Variants in CCDC91 observed in about 807,000 individuals in gnomAD.
The protein encoded by CCDC91 is coiled-coil domain-containing protein 91.
Under a neutral mutation model 63.2 loss-of-function variants are expected in CCDC91, and 48 were observed. That is an observed-to-expected ratio of 0.76 (90% CI 0.60 to 0.97). CCDC91 has a LOEUF of 0.97. Ranked by LOEUF, CCDC91 falls within the 50% of genes least tolerant of loss-of-function variation. The probability of loss-of-function intolerance (pLI) is 0.00; values close to 1 mark genes in which losing one functional copy is unlikely to be tolerated. For missense variants in CCDC91, 500 were observed against 494.6 expected, an observed-to-expected ratio of 1.01 and a Z score of -0.10; for synonymous variants, 167 against 165.8, an observed-to-expected ratio of 1.01 and a Z score of -0.06.
intron 11 of CCDC91, among the ~76,000 whole-genome samples, chr12:28,454,943 T>A (rs1380533212): frequency 2.0e-5 from 3 of 152,092 alleles, no homozygotes; most frequent in Non-Finnish European, 4.4e-5. Context: ...CGTTGTAAAT[T>A]GAGTGTTTCC....
In CCDC91 at chr12:28,548,979, T is replaced by C. The variant is rs1593027765; in HGVS notation, c.1216-84T>C. On this transcript the variant is annotated intron_variant, in intron 12 of 12. Transcript: ENST00000536442. The stretch of plus-strand genomic sequence containing the variant: ...GTCTCATCTGGAAAGTTTTTTCTAG[T>C]GGGCTTCAGAGACATAATATTCTTT... 8.0e-6 allele frequency: 7 copies of C among 877,272 alleles called. No homozygotes were observed. The Admixed American group carries it at 1.1e-4, about 14-fold the overall frequency. The allele number at this position is 877,272 out of a possible 1,614,324, so 54.3% of individuals were successfully genotyped here.
chr12:28,367,631 C>T (rs1944358635), intron 7 of CCDC91, among the ~76,000 whole-genome samples: 1 of 152,144 alleles, frequency 6.6e-6, no homozygotes, highest in Admixed American at 6.6e-5. Context: ...CTGCATATTT[C>T]AGAAGCCAAA....
At chr12:28,362,752 C>T (rs73083994) in intron 7 of CCDC91, among the ~76,000 whole-genome samples, 2 of 152,156 alleles carry the variant, frequency 1.3e-5, no homozygotes, top group Non-Finnish European at 2.9e-5. Context: ...ATAGTATCAG[C>T]AGGTAAAGAA....
chr12:28,413,612 A>G (rs1947457636), intron 8 of CCDC91, among the ~76,000 whole-genome samples: 2 of 152,188 alleles, frequency 1.3e-5, no homozygotes, highest in Non-Finnish European at 2.9e-5. Context: ...GAGGCGTGAC[A>G]GTGATAACAA....
At chr12:28,465,581 A>C (rs1227169457) in intron 11 of CCDC91, among the ~76,000 whole-genome samples, 1 of 152,148 alleles carries the variant, frequency 6.6e-6, no homozygotes, top group Non-Finnish European at 1.5e-5. Context: ...TCAAGGCTGT[A>C]CCTCTATGAG....
chr12:28,468,434 A>G (rs1050507548), intron 11 of CCDC91, among the ~76,000 whole-genome samples: 1 of 152,008 alleles, frequency 6.6e-6, no homozygotes, highest in African/African-American at 2.4e-5. Flanking sequence ...AAATAAGGAG[A>G]TTAAAGCTGT....
chr12:28,544,403 T>C (rs1053030665), intron 12 of CCDC91, among the ~76,000 whole-genome samples: 2 of 151,928 alleles, frequency 1.3e-5, no homozygotes, highest in African/African-American at 4.8e-5. Context: ...CTCTAGTCAC[T>C]TTACCCATGA....
intron 6 of CCDC91, among the ~76,000 whole-genome samples, chr12:28,331,581 T>G (rs1941515657): frequency 6.6e-6 from 1 of 152,200 alleles, no homozygotes; most frequent in Admixed American, 6.5e-5. Context: ...CAAATTAGAC[T>G]ATGTTTCAAA....
At chr12:28,489,050 A>G (rs1283781558) in intron 12 of CCDC91, among the ~76,000 whole-genome samples, 7 of 152,006 alleles carry the variant, frequency 4.6e-5, no homozygotes, top group African/African-American at 1.7e-4. Context: ...AAGAGAGACC[A>G]TTGGGACATA....
intron 12 of CCDC91, among the ~76,000 whole-genome samples, chr12:28,520,145 C>T (rs1940457589): frequency 6.6e-6 from 1 of 152,194 alleles, no homozygotes; most frequent in Admixed American, 6.5e-5. Context: ...GGAATCGCCA[C>T]ACTGACTTCC....
intron 1 of CCDC91, among the ~76,000 whole-genome samples, chr12:28,248,791 A>G (rs1185684404): frequency 1.3e-5 from 2 of 152,140 alleles, no homozygotes; most frequent in Non-Finnish European, 2.9e-5. Context: ...TTCTGTTTTC[A>G]TTTTTAAACT....
In CCDC91 at chr12:28,313,692, C is replaced by T. The variant is rs536776240; in HGVS notation, c.576+5943C>T. Among the ~76,000 whole-genome samples, 6 of 152,178 alleles carry T rather than the reference C, an allele frequency of 3.9e-5. No individual in the cohort carries two copies. The East Asian group carries it at 5.8e-4, about 15-fold the overall frequency. On this transcript the variant is annotated intron_variant, in intron 6 of 12. Coordinates refer to ENST00000536442, the MANE Select transcript of CCDC91 (RefSeq NM_018318.5). Reference sequence around the variant, plus strand: ...GTGCCATAACAAAAGGAAATAAATACTGTGAACTCTATAGTACAATGGGGG... The same window carrying T: ...GTGCCATAACAAAAGGAAATAAATATTGTGAACTCTATAGTACAATGGGGG...
chr12:28,308,506 C>T (rs1475373359), intron 6 of CCDC91, among the ~76,000 whole-genome samples: 2 of 151,974 alleles, frequency 1.3e-5, no homozygotes, highest in Non-Finnish European at 2.9e-5. Flanking sequence ...TTATCTTTCC[C>T]ACACTAAAAG....
At chr12:28,245,032 A>C (rs1406678900) in intron 1 of CCDC91, among the ~76,000 whole-genome samples, 1 of 152,128 alleles carries the variant, frequency 6.6e-6, no homozygotes, top group Non-Finnish European at 1.5e-5. Flanking sequence ...TATTTATTGA[A>C]TGCACCTAAC....
rs184965312 is a variant in CCDC91, at chr12:28,392,960, G to A, written c.762+1549G>A. On this transcript the variant is annotated intron_variant, in intron 8 of 12. Transcript: ENST00000536442. ...ACTGTAAACATTTTCAATAGGAAAG[G>A]TGAAAAATTAGAGACACACAGCTAT... Among the ~76,000 whole-genome samples the A allele has an allele frequency of 3.3e-3, 508 of 152,254 alleles. 3 individuals are homozygous for A. The highest frequency in any genetic ancestry group is 4.4e-3 in the Non-Finnish European group (297 of 68,020).
chr12:28,513,266 A>T (rs1939572711), intron 12 of CCDC91, among the ~76,000 whole-genome samples: 1 of 151,898 alleles, frequency 6.6e-6, no homozygotes. Flanking sequence ...TTCTTTAAAG[A>T]GTAAGTGGTA....
chr12:28,221,230 A>G (rs1943923149), intron 1 of CCDC91, among the ~76,000 whole-genome samples: 1 of 151,980 alleles, frequency 6.6e-6, no homozygotes, highest in African/African-American at 2.4e-5. Flanking sequence ...TCTCCTCTGT[A>G]AGTTTCATTT....
chr12:28,410,131 C>A (rs957822645), intron 8 of CCDC91, among the ~76,000 whole-genome samples: 2 of 152,150 alleles, frequency 1.3e-5, no homozygotes, highest in African/African-American at 4.8e-5. Context: ...GTGTTGAAAT[C>A]TCTGACCGTA....
At chr12:28,241,995 C>CAA (rs1209663723) in intron 1 of CCDC91, among the ~76,000 whole-genome samples, 619 of 40,892 alleles carry the variant, frequency 0.015, 10 homozygotes, top group Non-Finnish European at 0.027. Context: ...GACTCCTTCT[C>CAA]AAAAAAAAAA....
Sources: gnomAD v4.1 joint callset for allele counts (sites outside exome capture counted in the v4.1 genomes callset) on GRCh38, gnomAD v4.1.1 for gene constraint, MANE v1.5 for transcripts, NCBI Gene and HGNC (gene_info 2026-07-23, HGNC 2026-07-21) for gene names.